The following FBXL7 variants were observed in gnomAD, a reference collection of about 807,000 sequenced individuals.
The protein encoded by FBXL7 is F-box and leucine rich repeat protein 7.
FBXL7 carries 12 observed loss-of-function variants against 38.3 expected under a neutral mutation model. That is an observed-to-expected ratio of 0.31 (90% CI 0.20 to 0.51). The LOEUF (loss-of-function observed/expected upper bound fraction) is 0.51. Ranked by LOEUF, FBXL7 falls within the 20% of genes least tolerant of loss-of-function variation. The pLI is 0.98. For missense variants in FBXL7, 567 were observed against 676.4 expected (o/e 0.84, Z 1.79); for synonymous variants, 297 against 300.9 (o/e 0.99, Z 0.13).
At chr5:15,933,047 T>G (rs79555018) in intron 3 of FBXL7, among the ~76,000 whole-genome samples, 2,023 of 152,266 alleles carry the variant, frequency 0.013, 43 homozygotes, top group African/African-American at 0.045. Flanking sequence ...AAAAATGATG[T>G]TTATTCTGGA....
At chr5:15,916,844 G>C (rs1265897656) in intron 2 of FBXL7, among the ~76,000 whole-genome samples, 1 of 152,126 alleles carries the variant, frequency 6.6e-6, no homozygotes, top group Non-Finnish European at 1.5e-5. Flanking sequence ...ATAAAGATGG[G>C]AGTATTCCAG....
At chr5:15,535,466 G>A (rs1737558199) in intron 1 of FBXL7, among the ~76,000 whole-genome samples, 1 of 152,236 alleles carries the variant, frequency 6.6e-6, no homozygotes, top group Non-Finnish European at 1.5e-5. Flanking sequence ...GTATCAGATG[G>A]AGATGAGGAA....
At chr5:15,557,423 C>T (rs905125516) in intron 1 of FBXL7, among the ~76,000 whole-genome samples, 2 of 152,134 alleles carry the variant, frequency 1.3e-5, no homozygotes, top group Admixed American at 1.3e-4. Flanking sequence ...CATGGAGTAA[C>T]ATTTGTATAT....
chr5:15,570,517 TTTC>T (rs1169182450), intron 1 of FBXL7, among the ~76,000 whole-genome samples: 1 of 152,224 alleles, frequency 6.6e-6, no homozygotes, highest in Non-Finnish European at 1.5e-5. Flanking sequence ...TTGCTGTCTC[TTTC>T]TTCTTATTGT....
intron 2 of FBXL7, among the ~76,000 whole-genome samples, chr5:15,651,658 A>C (rs1201472006): frequency 6.6e-6 from 1 of 152,224 alleles, no homozygotes; most frequent in Non-Finnish European, 1.5e-5. Flanking sequence ...TTGTTGTTTC[A>C]TTTCTAGAGC....
At chr5:15,665,426 T>TTTG (rs1198377732) in intron 2 of FBXL7, among the ~76,000 whole-genome samples, 6 of 152,206 alleles carry the variant, frequency 3.9e-5, no homozygotes, top group African/African-American at 1.4e-4. Context: ...TCTGCCAAAG[T>TTTG]TAAAAGGATT....
chr5:15,746,053 G>C (rs2126679943), intron 2 of FBXL7, among the ~76,000 whole-genome samples: 1 of 152,282 alleles, frequency 6.6e-6, no homozygotes, highest in South Asian at 2.1e-4. Context: ...TGTGATCTCT[G>C]TTAGAGCCAG....
intron 1 of FBXL7, among the ~76,000 whole-genome samples, chr5:15,519,435 CTTAG>C (rs1737035180): frequency 6.7e-6 from 1 of 149,476 alleles, no homozygotes; most frequent in African/African-American, 2.5e-5. Flanking sequence ...CTGCCAGAGA[CTTAG>C]AAAACAAAAA....
At chr5:15,606,540 T>G (rs1740031124) in intron 1 of FBXL7, among the ~76,000 whole-genome samples, 1 of 152,228 alleles carries the variant, frequency 6.6e-6, no homozygotes, top group African/African-American at 2.4e-5. Context: ...TGGTTTGGTG[T>G]AAAGAAAGTA....
intron 1 of FBXL7, among the ~76,000 whole-genome samples, chr5:15,603,946 G>A (rs1194581096): frequency 6.6e-6 from 1 of 152,184 alleles, no homozygotes; most frequent in Non-Finnish European, 1.5e-5. Context: ...AGACCAGTCT[G>A]GCCAACATGG....
chr5:15,772,798 A>T (rs1359311978), intron 2 of FBXL7, among the ~76,000 whole-genome samples: 1 of 151,844 alleles, frequency 6.6e-6, no homozygotes, highest in Non-Finnish European at 1.5e-5. Context: ...TTATTTCCAT[A>T]TTGTTTGTTT....
chr5:15,886,841 A>G (rs995918550), intron 2 of FBXL7, among the ~76,000 whole-genome samples: 2 of 152,216 alleles, frequency 1.3e-5, no homozygotes, highest in Non-Finnish European at 2.9e-5. Flanking sequence ...TTTTCCAAGA[A>G]TCGTGGCTCA....
At chr5:15,573,659 A>G (rs958638452) in intron 1 of FBXL7, among the ~76,000 whole-genome samples, 1 of 152,180 alleles carries the variant, frequency 6.6e-6, no homozygotes, top group Non-Finnish European at 1.5e-5. Flanking sequence ...ACTTCTGCCA[A>G]TGTCAAGCAG....
At chr5:15,781,263 CGAGA>C (rs1215898605) in intron 2 of FBXL7, among the ~76,000 whole-genome samples, 4 of 151,852 alleles carry the variant, frequency 2.6e-5, no homozygotes, top group Non-Finnish European at 5.9e-5. Flanking sequence ...CAAGTGATAA[CGAGA>C]GAGAAATTTT....
intron 2 of FBXL7, among the ~76,000 whole-genome samples, chr5:15,890,582 G>A (rs1740861721): frequency 6.6e-6 from 1 of 152,092 alleles, no homozygotes; most frequent in Admixed American, 6.5e-5. Flanking sequence ...ATTGTGAACT[G>A]CGCATGCAAC....
intron 2 of FBXL7, among the ~76,000 whole-genome samples, chr5:15,789,547 G>A (rs1282011134): frequency 2.0e-5 from 3 of 152,182 alleles, no homozygotes; most frequent in African/African-American, 7.2e-5. Flanking sequence ...ACAGGCTGGT[G>A]TTCAGGCTGT....
intron 2 of FBXL7, among the ~76,000 whole-genome samples, chr5:15,665,700 A>G (rs1561076484): frequency 1.3e-5 from 2 of 152,204 alleles, no homozygotes; most frequent in Non-Finnish European, 2.9e-5. Flanking sequence ...GTTCATATCC[A>G]CAGCTATATA....
At chr5:15,763,617 T>C (rs1219906260) in intron 2 of FBXL7, among the ~76,000 whole-genome samples, 3 of 152,248 alleles carry the variant, frequency 2.0e-5, no homozygotes, top group African/African-American at 7.2e-5. Context: ...AGAATGATTT[T>C]CTTTCTCTAC....
chr5:15,830,485 AACACACACACACACACACAC>A (rs57825713), intron 2 of FBXL7, among the ~76,000 whole-genome samples: 1 of 144,300 alleles, frequency 6.9e-6, no homozygotes, highest in East Asian at 2.1e-4. Context: ...CTCCATCTAA[AACACACACACACACACACAC>A]ACACACACAC....
Sources: gnomAD v4.1 joint callset for allele counts (sites outside exome capture counted in the v4.1 genomes callset) on GRCh38, gnomAD v4.1.1 for gene constraint, MANE v1.5 for transcripts, NCBI Gene and HGNC (gene_info 2026-07-23, HGNC 2026-07-21) for gene names.